FRMPD4: variants seen among roughly 807,000 people sequenced by gnomAD.
FRMPD4 encodes FERM and PDZ domain-containing protein 4.
In FRMPD4, 22 loss-of-function variants were observed where a neutral mutation model predicts 94.1. That is an observed-to-expected ratio of 0.23 (90% CI 0.17 to 0.33). The LOEUF (loss-of-function observed/expected upper bound fraction) is 0.33. FRMPD4 is among the 10% of genes least tolerant of loss of function. The pLI is 1.00. For missense variants in FRMPD4, 1,111 were observed against 1,339.9 expected, an observed-to-expected ratio of 0.83 and a Z score of 2.67; for synonymous variants, 631 against 548.6, an observed-to-expected ratio of 1.15 and a Z score of -2.10.
chrX:12,628,399 A>G (rs1363540150), intron 4 of FRMPD4, among the ~76,000 whole-genome samples: 2 of 110,968 alleles, frequency 1.8e-5, no homozygotes, highest in African/African-American at 3.3e-5. Flanking sequence ...GTCTTTGACT[A>G]CTCACCTAGA....
chrX:12,575,280 A>T (rs745757097), intron 2 of FRMPD4, among the ~76,000 whole-genome samples: 1 of 110,454 alleles, frequency 9.1e-6, no homozygotes, highest in African/African-American at 3.3e-5. Context: ...TCATAAAAAA[A>T]ATAAGTAGTA....
intron 1 of FRMPD4, among the ~76,000 whole-genome samples, chrX:12,303,377 A>G (rs1265369439): frequency 8.9e-6 from 1 of 112,226 alleles, no homozygotes; most frequent in Non-Finnish European, 1.9e-5. Context: ...ATCAGTTATA[A>G]TAATGATGAC....
chrX:12,509,902 G>T (rs920249134), intron 2 of FRMPD4, among the ~76,000 whole-genome samples: 4 of 112,085 alleles, frequency 3.6e-5, no homozygotes, highest in Admixed American at 1.9e-4. Flanking sequence ...TGTCGTTGCA[G>T]TGTATTTTAG....
chrX:12,252,074 G>A (rs2054047991), intron 1 of FRMPD4, among the ~76,000 whole-genome samples: 1 of 112,351 alleles, frequency 8.9e-6, no homozygotes, highest in Non-Finnish European at 1.9e-5. Flanking sequence ...CTTATGTTTA[G>A]ATAATTCTCA....
At chrX:12,303,155 C>T (rs2054886208) in intron 1 of FRMPD4, among the ~76,000 whole-genome samples, 1 of 112,153 alleles carries the variant, frequency 8.9e-6, no homozygotes, top group Non-Finnish European at 1.9e-5. Flanking sequence ...GTACCACAAA[C>T]ATGTCAACTC....
chrX:12,549,978 T>G (rs1287769720), intron 2 of FRMPD4, among the ~76,000 whole-genome samples: 1 of 111,990 alleles, frequency 8.9e-6, no homozygotes, highest in Non-Finnish European at 1.9e-5. Context: ...CTAGATGTAG[T>G]CAATTGTCAG....
At chrX:12,220,496 C>T (rs1037276417) in intron 1 of FRMPD4, among the ~76,000 whole-genome samples, 3 of 111,683 alleles carry the variant, frequency 2.7e-5, no homozygotes, top group African/African-American at 9.7e-5. Context: ...CATATCCATC[C>T]GCAGTAAGCA....
At chrX:11,960,564 A>G (rs957290355) in intron 3 of FRMPD4, among the ~76,000 whole-genome samples, 2 of 112,570 alleles carry the variant, frequency 1.8e-5, no homozygotes, top group African/African-American at 6.4e-5. Flanking sequence ...TGGATATTTG[A>G]AGATTTAAAT....
At chrX:12,065,684 C>T (rs1266512129) in intron 3 of FRMPD4, among the ~76,000 whole-genome samples, 1 of 112,082 alleles carries the variant, frequency 8.9e-6, no homozygotes, top group Non-Finnish European at 1.9e-5. Context: ...ATGATTATTT[C>T]GAACAAAGTA....
intron 1 of FRMPD4, among the ~76,000 whole-genome samples, chrX:12,192,183 G>A (rs2147695809): frequency 8.9e-6 from 1 of 111,874 alleles, no homozygotes; most frequent in Admixed American, 9.5e-5. Context: ...CTTGTCTGCT[G>A]GTTGAAGCAA....
chrX:12,235,292 A>G (rs2057059120), intron 1 of FRMPD4, among the ~76,000 whole-genome samples: 1 of 111,716 alleles, frequency 9.0e-6, no homozygotes. Flanking sequence ...AGGACAAATT[A>G]GGGTAAAGCA....
At chrX:12,484,955 A>G (rs998456477) in intron 1 of FRMPD4, among the ~76,000 whole-genome samples, 2 of 112,311 alleles carry the variant, frequency 1.8e-5, no homozygotes, top group African/African-American at 6.5e-5. Context: ...GGGTTGGCAA[A>G]CTTCTTCTGT....
chrX:12,694,202 G>A, intron 8 of FRMPD4, 133 bp from the exon 9 acceptor site: 1 of 476,621 alleles, frequency 2.1e-6, no homozygotes, highest in Non-Finnish European at 3.6e-6. Flanking sequence ...CAGGGAATGA[G>A]TATCTATAAA....
chrX:12,059,629 T>G (rs2054873923), intron 3 of FRMPD4, among the ~76,000 whole-genome samples: 1 of 105,574 alleles, frequency 9.5e-6, no homozygotes, highest in Non-Finnish European at 1.9e-5. Flanking sequence ...CTGCCCCCCA[T>G]AGTAGTCCCC....
intron 3 of FRMPD4, among the ~76,000 whole-genome samples, chrX:11,933,303 A>T (rs1265453521): frequency 1.8e-5 from 2 of 111,929 alleles, no homozygotes. Flanking sequence ...TTTCACACTA[A>T]CCATGCCTTT....
rs1478269492 is a variant in FRMPD4 at position 12,193,838 on chromosome X, G to GGAAGA, written c.41+54826_41+54827insGAAGA. On this transcript the variant is annotated intron_variant, in intron 1 of 16. Transcript: ENST00000675598. ...AGGAAGGAAGGAAGGAGGGAAGGAA[G>GGAAGA]AAAGAAAAGAAAGAAAAAGGAAGGA... Among the ~76,000 whole-genome samples, 3 of 59,928 alleles carry GGAAGA rather than the reference G, an allele frequency of 5.0e-5. 1 individual carries two copies. Among genetic ancestry groups the GGAAGA allele is most frequent in the South Asian group, 1.9e-3 (2 of 1,072 alleles). The allele number at this position is 59,928 out of a possible 115,157, so 52.0% of individuals were successfully genotyped here.
At chrX:12,255,733 A>G (rs2054104825) in intron 1 of FRMPD4, among the ~76,000 whole-genome samples, 1 of 112,061 alleles carries the variant, frequency 8.9e-6, no homozygotes, top group Non-Finnish European at 1.9e-5. Flanking sequence ...ATGCAATCCA[A>G]TGTCTGTTCA....
At chrX:11,964,320 T>C (rs920405542) in intron 3 of FRMPD4, among the ~76,000 whole-genome samples, 1 of 110,345 alleles carries the variant, frequency 9.1e-6, no homozygotes, top group African/African-American at 3.3e-5. Context: ...CCACCACACC[T>C]GGCTAATTTT....
intron 2 of FRMPD4, among the ~76,000 whole-genome samples, chrX:12,592,255 G>A (rs1298394883): frequency 9.0e-6 from 1 of 111,497 alleles, no homozygotes; most frequent in Non-Finnish European, 1.9e-5. Context: ...TCTATTCTTC[G>A]TCGAACCTAA....
Sources: gnomAD v4.1 joint callset for allele counts (sites outside exome capture counted in the v4.1 genomes callset) on GRCh38, gnomAD v4.1.1 for gene constraint, MANE v1.5 for transcripts, NCBI Gene and HGNC (gene_info 2026-07-23, HGNC 2026-07-21) for gene names.